Variants in PGCKA1 observed in about 807,000 individuals in gnomAD.
The protein encoded by PGCKA1 is PDCD10 and GCKIII kinases associated 1.
chr4:37,486,867 A>G, the PGCKA1 span, among the ~76,000 whole-genome samples: 1 of 152,338 alleles, frequency 6.6e-6, no homozygotes, highest in South Asian at 2.1e-4. Context: ...TGTCACAGAC[A>G]TTATCTTCAT....
At chr4:37,564,423 T>C in the PGCKA1 span, among the ~76,000 whole-genome samples, 5 of 152,170 alleles carry the variant, frequency 3.3e-5, no homozygotes, top group Non-Finnish European at 5.9e-5. Flanking sequence ...GTGATCCTCA[T>C]AGGACCCTGA....
the PGCKA1 span, among the ~76,000 whole-genome samples, chr4:37,505,683 A>G: frequency 6.6e-6 from 1 of 152,206 alleles, no homozygotes; most frequent in Non-Finnish European, 1.5e-5. Context: ...CATGAGACTC[A>G]TTCACTGTCA....
chr4:37,543,434 C>T, the PGCKA1 span, among the ~76,000 whole-genome samples: 2 of 152,284 alleles, frequency 1.3e-5, no homozygotes, highest in East Asian at 3.9e-4. Flanking sequence ...GCTTGTTTCT[C>T]ATTTATTGAA....
the PGCKA1 span, among the ~76,000 whole-genome samples, chr4:37,508,988 G>C: frequency 6.6e-6 from 1 of 150,910 alleles, no homozygotes; most frequent in African/African-American, 2.4e-5. Flanking sequence ...GAGAGCAGGG[G>C]GTTGGGGGTA....
the PGCKA1 span, among the ~76,000 whole-genome samples, chr4:37,514,046 G>A: frequency 6.6e-6 from 1 of 152,162 alleles, no homozygotes; most frequent in African/African-American, 2.4e-5. Context: ...GGTTTAGGAG[G>A]CTGGAAAGTC....
chr4:37,496,648 T>G, the PGCKA1 span, among the ~76,000 whole-genome samples: 5 of 152,230 alleles, frequency 3.3e-5, no homozygotes, highest in Non-Finnish European at 7.3e-5. Context: ...AGAATGTCAT[T>G]GGTAGTTTGA....
At chr4:37,512,670 G>T in the PGCKA1 span, among the ~76,000 whole-genome samples, 1 of 151,784 alleles carries the variant, frequency 6.6e-6, no homozygotes, top group Admixed American at 6.5e-5. Flanking sequence ...TGGCCAGGAT[G>T]GTCTCAATCT....
chr4:37,536,534 G>C, the PGCKA1 span, among the ~76,000 whole-genome samples: 1 of 152,110 alleles, frequency 6.6e-6, no homozygotes, highest in South Asian at 2.1e-4. Context: ...GCTCACTCAG[G>C]TGTCTCTTGG....
At chr4:37,572,048 C>CTTT in the PGCKA1 span, among the ~76,000 whole-genome samples, 21 of 111,662 alleles carry the variant, frequency 1.9e-4, no homozygotes, top group Non-Finnish European at 2.2e-4. Flanking sequence ...AACTTCACAC[C>CTTT]TTTTTTTTTT....
the PGCKA1 span, among the ~76,000 whole-genome samples, chr4:37,566,155 C>A: frequency 6.6e-6 from 1 of 152,142 alleles, no homozygotes; most frequent in Admixed American, 6.5e-5. Flanking sequence ...CTCTGGAGAA[C>A]CCTGACTAAT....
chr4:37,554,847 G>C, the PGCKA1 span, among the ~76,000 whole-genome samples: 1 of 152,144 alleles, frequency 6.6e-6, no homozygotes, highest in African/African-American at 2.4e-5. Flanking sequence ...GAAAAGTCTA[G>C]TTTGGCTGGA....
chr4:37,562,208 TG>T, the PGCKA1 span, among the ~76,000 whole-genome samples: 2 of 152,330 alleles, frequency 1.3e-5, no homozygotes, highest in Admixed American at 1.3e-4. Context: ...AGTATTGATT[TG>T]GGGGTTACAA....
the PGCKA1 span, chr4:37,590,042 TTAA>T: frequency 1.4e-6 from 2 of 1,383,012 alleles, no homozygotes; most frequent in African/African-American, 2.9e-5. Flanking sequence ...GTAAAAAGCA[TTAA>T]TGATGGAGCA....
At chr4:37,488,812 C>T in the PGCKA1 span, among the ~76,000 whole-genome samples, 1 of 152,136 alleles carries the variant, frequency 6.6e-6, no homozygotes, top group Non-Finnish European at 1.5e-5. Context: ...CATCTCCTAT[C>T]AACATAACCT....
the PGCKA1 span, among the ~76,000 whole-genome samples, chr4:37,507,565 T>C: frequency 6.6e-6 from 1 of 152,174 alleles, no homozygotes; most frequent in African/African-American, 2.4e-5. Flanking sequence ...CCTAACTCTA[T>C]ATTTTAACTT....
At chr4:37,534,870 A>T in the PGCKA1 span, among the ~76,000 whole-genome samples, 7 of 152,246 alleles carry the variant, frequency 4.6e-5, no homozygotes, top group Non-Finnish European at 8.8e-5. Flanking sequence ...GAGGGACACT[A>T]GTGTTCAGGC....
At chr4:37,554,360 T>G in the PGCKA1 span, among the ~76,000 whole-genome samples, 1 of 152,064 alleles carries the variant, frequency 6.6e-6, no homozygotes, top group Non-Finnish European at 1.5e-5. Flanking sequence ...TTTATTTATT[T>G]ATTTATTTAG....
the PGCKA1 span, among the ~76,000 whole-genome samples, chr4:37,482,109 T>C: frequency 2.0e-5 from 3 of 152,234 alleles, no homozygotes; most frequent in Non-Finnish European, 4.4e-5. Flanking sequence ...GGTATGTCTT[T>C]ATTAGCAGTG....
chr4:37,558,641 A>G, the PGCKA1 span, among the ~76,000 whole-genome samples: 20 of 150,682 alleles, frequency 1.3e-4, no homozygotes, highest in Admixed American at 6.7e-5. Flanking sequence ...AGAAACTACC[A>G]TCAGAGTGAA....
Sources: allele counts gnomAD v4.1 joint callset (sites outside exome capture counted in the v4.1 genomes callset), GRCh38; gene constraint gnomAD v4.1.1; transcripts MANE v1.5; gene names NCBI Gene and HGNC (gene_info 2026-07-23, HGNC 2026-07-21).